GPR107: variants seen among roughly 807,000 people sequenced by gnomAD.
GPR107 encodes the protein protein GPR107.
A neutral mutation model predicts 75.5 loss-of-function variants in GPR107; 31 were observed. That is an observed-to-expected ratio of 0.41 (90% confidence interval 0.31 to 0.55). The LOEUF is 0.55. Among genes scored for constraint, GPR107 ranks in the 20% least tolerant of loss-of-function variants. GPR107 has a pLI of 0.26. For synonymous variants in GPR107, 267 were observed against 251.3 expected (o/e 1.06, Z -0.59); for missense variants, 572 against 665.7 (o/e 0.86, Z 1.55).
intron 1 of GPR107, among the ~76,000 whole-genome samples, chr9:130,058,997 A>G (rs1829864440): frequency 6.6e-6 from 1 of 152,164 alleles, no homozygotes; most frequent in Admixed American, 6.5e-5. Context: ...TTGTGGGGCC[A>G]TATGTTTTCA....
intron 14 of GPR107, among the ~76,000 whole-genome samples, chr9:130,111,327 G>A (rs1831295749): frequency 6.6e-6 from 1 of 151,894 alleles, no homozygotes; most frequent in South Asian, 2.1e-4. Flanking sequence ...AAAAAACTGT[G>A]GCAGACCAGC....
At chr9:130,111,930 C>T (rs907093062) in intron 14 of GPR107, among the ~76,000 whole-genome samples, 2 of 152,150 alleles carry the variant, frequency 1.3e-5, no homozygotes, top group South Asian at 2.1e-4. Flanking sequence ...CTGCATCCTC[C>T]GAGAGGGAGC....
intron 1 of GPR107, among the ~76,000 whole-genome samples, chr9:130,073,404 A>C (rs890950041): frequency 2.6e-5 from 4 of 152,212 alleles, no homozygotes; most frequent in African/African-American, 9.7e-5. Flanking sequence ...TAATTCTCTC[A>C]GAGAATTCCA....
chr9:130,111,686 CTTTCAGTTTTGGGGTGAATACAGT>C (rs71387317), intron 14 of GPR107, among the ~76,000 whole-genome samples: 146,465 of 151,386 alleles, frequency 0.97, 70,922 homozygotes, highest in East Asian at 1. Flanking sequence ...GTGAATACAG[CTTTCAGTTTTGGGGTGAATACAGT>C]TTTCAGTTTT....
At chr9:130,130,794 C>T (rs1468063123) in intron 17 of GPR107, among the ~76,000 whole-genome samples, 1 of 148,378 alleles carries the variant, frequency 6.7e-6, no homozygotes, top group Non-Finnish European at 1.5e-5. Context: ...CTCTTGAAAT[C>T]GGAAGGCGGA....
chr9:130,125,340 C>G (rs7025996), intron 15 of GPR107, among the ~76,000 whole-genome samples: 6,084 of 151,172 alleles, frequency 0.04, 409 homozygotes, highest in African/African-American at 0.14. Flanking sequence ...CCTCGGCCTC[C>G]CAGAGTGCGG....
intron 5 of GPR107, 52 bp from the exon 6 acceptor site, chr9:130,083,513 T>G (rs2132575634): frequency 9.0e-7 from 1 of 1,110,318 alleles, no homozygotes; most frequent in African/African-American, 1.6e-5. Flanking sequence ...TATATATATG[T>G]ATCTGTAAGT....
chr9:130,094,776 G>C (rs906386475), intron 9 of GPR107, among the ~76,000 whole-genome samples: 3 of 152,048 alleles, frequency 2.0e-5, no homozygotes, highest in Non-Finnish European at 4.4e-5. Flanking sequence ...TGTCCCCCAG[G>C]TTCAAGCGAT....
chr9:130,134,507 T>C (rs527672909), intron 17 of GPR107, among the ~76,000 whole-genome samples: 4 of 152,246 alleles, frequency 2.6e-5, no homozygotes, highest in Non-Finnish European at 4.4e-5. Context: ...AGCAGCCAGT[T>C]CTCTGTCTAT....
rs1176630437 is a variant in GPR107, at chr9:130,071,024, TTTTTTTTTTTC to T, written c.142-4601_142-4591del. ...GAGAGTCACCAGGCCCAGTCCTAAC[TTTTTTTTTTTC>T]TTTTTTTTTTTTTTTTTTGAGACAG... On this transcript the variant is annotated intron_variant, in intron 1 of 17. Transcript: ENST00000347136. 1.6e-4 allele frequency among the ~76,000 whole-genome samples: 16 copies of T among 97,332 alleles called. 1 individual carries two copies. Among genetic ancestry groups the T allele is most frequent in the Non-Finnish European group, 2.2e-4 (11 of 50,500 alleles). The allele number at this position is 97,332 out of a possible 152,430, so 63.9% of individuals were successfully genotyped here.
chr9:130,057,586 A>G (rs1276655492), intron 1 of GPR107, among the ~76,000 whole-genome samples: 3 of 151,920 alleles, frequency 2.0e-5, no homozygotes, highest in Non-Finnish European at 4.4e-5. Context: ...GAATAGCATA[A>G]TGAACTCCCA....
Position 130,090,864 on chromosome 9 carries a change from C to T in GPR107, c.622-12C>T, listed in dbSNP as rs1830714884. The T allele has an allele frequency of 1.0e-6, 1 of 989,970 alleles. No individual in the cohort carries two copies. The highest frequency in any genetic ancestry group is 1.6e-6 in the Non-Finnish European group (1 of 634,122). 61.3% of individuals were successfully genotyped at this position (989,970 alleles called of 1,614,324 possible). A position where few individuals can be genotyped will look rare whatever the true frequency, so the allele number is the denominator to read the frequency against. On this transcript the variant is annotated splice_polypyrimidine_tract_variant and intron_variant, in intron 7 of 17. Coordinates refer to ENST00000347136, the MANE Select transcript of GPR107 (RefSeq NM_020960.5). ...TTTGGGTACCTTTAAATGTTTTCTT[C>T]TTCACTTTCAGTTTTTCTTTAACAT...
chr9:130,117,299 G>T (rs1231481936), intron 14 of GPR107, among the ~76,000 whole-genome samples: 1 of 152,120 alleles, frequency 6.6e-6, no homozygotes, highest in Admixed American at 6.5e-5. Context: ...GAAGATCAAA[G>T]AATTTTATTC....
At chr9:130,083,472 C>T (rs570407) in intron 5 of GPR107, 93 bp from the exon 6 acceptor site, 11,310 of 660,322 alleles carry the variant, frequency 0.017, 195 homozygotes, top group Middle Eastern at 0.062. Flanking sequence ...TGATATTAGA[C>T]AAGCTGAAGC....
chr9:130,127,329 C>T (rs923004539), intron 15 of GPR107, among the ~76,000 whole-genome samples, 154 bp from the exon 16 acceptor site: 11 of 152,232 alleles, frequency 7.2e-5, no homozygotes, highest in African/African-American at 9.6e-5. Context: ...CATGTCTCTC[C>T]GCTGCACGTA....
At chr9:130,078,828 A>C (rs1830421075) in intron 4 of GPR107, among the ~76,000 whole-genome samples, 1 of 152,208 alleles carries the variant, frequency 6.6e-6, no homozygotes, top group African/African-American at 2.4e-5. Context: ...AGTCATGGGA[A>C]CTGTCACTGG....
intron 1 of GPR107, 23 bp downstream of exon 1, chr9:130,054,096 CG>C: frequency 2.0e-6 from 3 of 1,516,366 alleles, no homozygotes; most frequent in South Asian, 1.2e-5. Context: ...AAGGCCGGGC[CG>C]GGGGGCGGAG....
chr9:130,085,754 A>ATTTTTTTTTTTTTTTTTT (rs71387311), intron 6 of GPR107, among the ~76,000 whole-genome samples: 12,479 of 77,392 alleles, frequency 0.16, 3,353 homozygotes, highest in East Asian at 0.26. Context: ...CAATATTTTG[A>ATTTTTTTTTTTTTTTTTT]TTTTTTTTTT....
At chr9:130,068,143 G>C (rs1240651595) in intron 1 of GPR107, among the ~76,000 whole-genome samples, 1 of 150,452 alleles carries the variant, frequency 6.6e-6, no homozygotes, top group Admixed American at 6.7e-5. Flanking sequence ...TTTTGGATCT[G>C]ATTTTTGTTT....
Sources: gnomAD v4.1 joint callset for allele counts (sites outside exome capture counted in the v4.1 genomes callset) on GRCh38, gnomAD v4.1.1 for gene constraint, MANE v1.5 for transcripts, NCBI Gene and HGNC (gene_info 2026-07-23, HGNC 2026-07-21) for gene names.